The following SKAP1 variants were observed in gnomAD, a reference collection of about 807,000 sequenced individuals.
SKAP1 encodes src kinase-associated phosphoprotein 1.
A neutral mutation model predicts 58.5 loss-of-function variants in SKAP1; 44 were observed. The observed-to-expected ratio is 0.75, with a 90% CI of 0.59 to 0.97. The LOEUF is 0.97. SKAP1 is among the 50% of genes least tolerant of loss of function. SKAP1 has a pLI of 0.00. For synonymous variants in SKAP1, 127 were observed against 149.7 expected, an observed-to-expected ratio of 0.85 and a Z score of 1.11; for missense variants, 390 against 435.2, an observed-to-expected ratio of 0.90 and a Z score of 0.92.
chr17:48,236,627 G>A (rs1389273565), intron 4 of SKAP1, among the ~76,000 whole-genome samples: 1 of 152,210 alleles, frequency 6.6e-6, no homozygotes, highest in Non-Finnish European at 1.5e-5. Flanking sequence ...TGCCAATGGA[G>A]GAGGAGGAAC....
At chr17:48,217,730 TA>T (rs923407592) in intron 4 of SKAP1, among the ~76,000 whole-genome samples, 18 of 151,916 alleles carry the variant, frequency 1.2e-4, no homozygotes, top group East Asian at 1.9e-4. Context: ...AGAAATTTGT[TA>T]AAAAAAAATT....
intron 4 of SKAP1, among the ~76,000 whole-genome samples, chr17:48,340,179 CAAATAAAT>C (rs1024929124): frequency 1.3e-5 from 2 of 151,898 alleles, no homozygotes; most frequent in African/African-American, 2.4e-5. Flanking sequence ...GACTCCGTCT[CAAATAAAT>C]AAATAAATAA....
intron 3 of SKAP1, among the ~76,000 whole-genome samples, chr17:48,355,743 G>A (rs1359964214): frequency 6.6e-6 from 1 of 151,942 alleles, no homozygotes; most frequent in Non-Finnish European, 1.5e-5. Context: ...ATAAGAATTG[G>A]TTGAACCTAT....
At chr17:48,443,756 G>A in the SKAP1 span, among the ~76,000 whole-genome samples, 3 of 152,080 alleles carry the variant, frequency 2.0e-5, no homozygotes, top group African/African-American at 4.8e-5. Flanking sequence ...GATTACAGGC[G>A]TGAGCCACCA....
intron 4 of SKAP1, among the ~76,000 whole-genome samples, chr17:48,272,581 A>C (rs2065646889): frequency 6.6e-6 from 1 of 152,164 alleles, no homozygotes; most frequent in African/African-American, 2.4e-5. Context: ...TTTGAGAAAG[A>C]GTCTCACTCT....
chr17:48,278,316 A>G (rs569926010), intron 4 of SKAP1, among the ~76,000 whole-genome samples: 74 of 152,218 alleles, frequency 4.9e-4, no homozygotes, highest in African/African-American at 1.6e-3. Flanking sequence ...CTTTACCTGC[A>G]TGGTTCTTGA....
chr17:48,224,038 A>AAGGAGGAGGAGG (rs1283982367), intron 4 of SKAP1, among the ~76,000 whole-genome samples: 2 of 52,404 alleles, frequency 3.8e-5, no homozygotes, highest in Admixed American at 2.4e-4. Flanking sequence ...GAGAGAGAAG[A>AAGGAGGAGGAGG]AGGAGGAGGA....
intron 4 of SKAP1, among the ~76,000 whole-genome samples, chr17:48,332,734 G>A (rs2066521733): frequency 6.6e-6 from 1 of 151,706 alleles, no homozygotes; most frequent in Non-Finnish European, 1.5e-5. Flanking sequence ...AAGAATTGAG[G>A]GAAAAATAAA....
At chr17:48,392,801 A>T (rs1458666866) in intron 2 of SKAP1, among the ~76,000 whole-genome samples, 6 of 151,964 alleles carry the variant, frequency 3.9e-5, no homozygotes. Context: ...TGGAGGTTGC[A>T]ATGAACCAAG....
Position 48,332,696 on chromosome 17 carries a change from C to T in SKAP1, c.280+13209G>A, listed in dbSNP as rs986522306. ...TCCTTTTCTAACTCTGCAGATATAG[C>T]TTTCATGGAGACATTTATGAGCGCT... On this transcript the variant is annotated intron_variant, in intron 4 of 12. Transcript: ENST00000336915. Among the ~76,000 whole-genome samples, 4 of 152,158 alleles carry T rather than the reference C, an allele frequency of 2.6e-5. No homozygotes were observed. The East Asian group carries it at 5.8e-4, about 22-fold the overall frequency.
rs1228826726 is a variant in SKAP1 at position 48,170,751 on chromosome 17, C to CGAGA, written c.827-93_827-92insTCTC. 32 of 1,172,624 alleles carry CGAGA rather than the reference C, an allele frequency of 2.7e-5. No individual in the cohort carries two copies. The African/African-American group carries it at 2.8e-4, about 10-fold the overall frequency. The allele number at this position is 1,172,624 out of a possible 1,614,324, so 72.6% of individuals were successfully genotyped here. ...TCGAGATAGAGTCTTGCTCTGTTGT[C>CGAGA]TAGGCTGAAGTGCAGTGGAACGATT... On this transcript the variant is annotated intron_variant, in intron 9 of 12. Transcript: ENST00000336915.
At chr17:48,369,713 T>C (rs1276638691) in intron 2 of SKAP1, among the ~76,000 whole-genome samples, 1 of 152,134 alleles carries the variant, frequency 6.6e-6, no homozygotes, top group African/African-American at 2.4e-5. Context: ...AACCCTATTA[T>C]TATGCCCATT....
At chr17:48,417,897 C>T (rs1364306312) in intron 1 of SKAP1, among the ~76,000 whole-genome samples, 1 of 152,014 alleles carries the variant, frequency 6.6e-6, no homozygotes, top group East Asian at 1.9e-4. Flanking sequence ...TTGTTAAATA[C>T]TATGTAGCAG....
intron 11 of SKAP1, chr17:48,156,362 C>T (rs1391824789): frequency 1.9e-5 from 5 of 269,764 alleles, no homozygotes; most frequent in Admixed American, 7.5e-5. Flanking sequence ...CGGTGGTCGC[C>T]GGCATCGTGG....
rs145242009 is a variant in SKAP1, at chr17:48,319,416, C to T, written c.280+26489G>A. On this transcript the variant is annotated intron_variant, in intron 4 of 12. Transcript: ENST00000336915. The stretch of plus-strand genomic sequence containing the variant: ...AAAAGAAAGAAAGAATTGGAGAAGA[C>T]TTTTTCAACTGGGAACATAATGACA... Among the ~76,000 whole-genome samples the T allele has an allele frequency of 7.9e-5, 12 of 152,200 alleles. No individual in the cohort carries two copies. In the East Asian group the frequency reaches 2.3e-3, roughly 29 times the overall value.
At chr17:48,152,507 T>C (rs1422641514) in intron 11 of SKAP1, among the ~76,000 whole-genome samples, 2 of 152,208 alleles carry the variant, frequency 1.3e-5, no homozygotes, top group East Asian at 1.9e-4. Context: ...GTCTAATAAA[T>C]GTGCAGTTGA....
At chr17:48,139,347 A>T (rs1237768765) in intron 11 of SKAP1, among the ~76,000 whole-genome samples, 1 of 150,796 alleles carries the variant, frequency 6.6e-6, no homozygotes, top group Non-Finnish European at 1.5e-5. Flanking sequence ...ACGCCCAGCT[A>T]ATTTTTTGTA....
intron 10 of SKAP1, among the ~76,000 whole-genome samples, chr17:48,170,085 A>G (rs1477562585): frequency 6.6e-6 from 1 of 152,254 alleles, no homozygotes; most frequent in African/African-American, 2.4e-5. Flanking sequence ...TTTATATTCA[A>G]CAAACCTGTT....
chr17:48,343,157 AT>A (rs1393701497), intron 4 of SKAP1, among the ~76,000 whole-genome samples: 2 of 152,026 alleles, frequency 1.3e-5, no homozygotes, highest in African/African-American at 4.8e-5. Flanking sequence ...TTCTCACTGC[AT>A]TTTTCACCTG....
Sources: allele counts gnomAD v4.1 joint callset (sites outside exome capture counted in the v4.1 genomes callset), GRCh38; gene constraint gnomAD v4.1.1; transcripts MANE v1.5; gene names NCBI Gene and HGNC (gene_info 2026-07-23, HGNC 2026-07-21).